The following EXOC4 variants were observed in gnomAD, a reference collection of about 807,000 sequenced individuals.
EXOC4 encodes the protein SEC8-like 1.
A neutral mutation model predicts 107.2 loss-of-function variants in EXOC4; 71 were observed. That is an observed-to-expected ratio of 0.66 (90% CI 0.55 to 0.81). The LOEUF is 0.81. Ranked by LOEUF, EXOC4 falls within the 30% of genes least tolerant of loss-of-function variation. EXOC4 has a pLI of 0.00. For missense variants in EXOC4, 1,108 were observed against 1,189.6 expected (o/e 0.93, Z 1.01); for synonymous variants, 456 against 441.2 (o/e 1.03, Z -0.42).
At chr7:133,741,632 T>C (rs1795566791) in intron 10 of EXOC4, among the ~76,000 whole-genome samples, 1 of 152,218 alleles carries the variant, frequency 6.6e-6, no homozygotes, top group Non-Finnish European at 1.5e-5. Flanking sequence ...AGTGCTCTAA[T>C]TGAACTATGT....
chr7:133,363,471 A>G (rs372530974), intron 6 of EXOC4, among the ~76,000 whole-genome samples: 4 of 152,178 alleles, frequency 2.6e-5, no homozygotes, highest in Admixed American at 6.5e-5. Flanking sequence ...TTTTGTAAAC[A>G]TGAGTTTGGA....
Position 133,915,223 on chromosome 7 carries a change from G to T in EXOC4, c.1872-2360G>T, listed in dbSNP as rs577642571. 3.6e-5 allele frequency among the ~76,000 whole-genome samples: 5 copies of T among 137,884 alleles called. No individual in the cohort carries two copies. In the East Asian group the frequency reaches 1.0e-3, roughly 28 times the overall value. The allele number at this position is 137,884 out of a possible 152,430, so 90.5% of individuals were successfully genotyped here. ...GGGAGCAGCTTTGTTAGAGAGGAATGCAGGGAAGAGATTCATTCATTCATT... is the reference window on the plus strand; with the variant it reads ...GGGAGCAGCTTTGTTAGAGAGGAATTCAGGGAAGAGATTCATTCATTCATT... On this transcript the variant is annotated intron_variant, in intron 12 of 17. Coordinates refer to ENST00000253861, the MANE Select transcript of EXOC4 (RefSeq NM_021807.4).
intron 7 of EXOC4, among the ~76,000 whole-genome samples, chr7:133,445,883 G>A (rs185290446): frequency 3.9e-5 from 6 of 152,076 alleles, no homozygotes; most frequent in Admixed American, 3.9e-4. Flanking sequence ...AGGCATGGTG[G>A]CGCATGCCTG....
At chr7:134,081,284 C>T in the EXOC4 span, among the ~76,000 whole-genome samples, 12 of 152,152 alleles carry the variant, frequency 7.9e-5, no homozygotes, top group South Asian at 1.2e-3. Context: ...TGGAAGTTGC[C>T]GTGAGCTGAG....
chr7:133,549,894 A>G (rs1476870906), intron 9 of EXOC4, among the ~76,000 whole-genome samples: 2 of 152,208 alleles, frequency 1.3e-5, no homozygotes, highest in East Asian at 3.8e-4. Context: ...ATCATCTGGC[A>G]CACTGTTTAT....
intron 7 of EXOC4, among the ~76,000 whole-genome samples, chr7:133,407,512 G>A (rs1584892580): frequency 6.6e-6 from 1 of 152,136 alleles, no homozygotes; most frequent in Non-Finnish European, 1.5e-5. Context: ...GGGTATAGAG[G>A]TTAAGGTCTC....
At chr7:133,325,656 A>G (rs953139762) in intron 5 of EXOC4, among the ~76,000 whole-genome samples, 2 of 151,968 alleles carry the variant, frequency 1.3e-5, no homozygotes, top group Non-Finnish European at 2.9e-5. Context: ...TTTTCCCTTC[A>G]TTCCAACTTT....
intron 11 of EXOC4, among the ~76,000 whole-genome samples, chr7:133,866,152 A>G (rs976638743): frequency 6.6e-6 from 1 of 152,218 alleles, no homozygotes; most frequent in Admixed American, 6.5e-5. Context: ...TCATATATAT[A>G]TAATCTCATT....
intron 1 of EXOC4, among the ~76,000 whole-genome samples, chr7:133,269,727 C>T (rs1378636561): frequency 6.6e-6 from 1 of 152,082 alleles, no homozygotes; most frequent in African/African-American, 2.4e-5. Context: ...TAGTTTTAGG[C>T]TATATTATTA....
At chr7:133,885,154 A>T (rs1799054062) in intron 11 of EXOC4, among the ~76,000 whole-genome samples, 1 of 152,074 alleles carries the variant, frequency 6.6e-6, no homozygotes, top group Non-Finnish European at 1.5e-5. Flanking sequence ...TCTCTACTAA[A>T]AATACAAAAA....
intron 10 of EXOC4, among the ~76,000 whole-genome samples, chr7:133,680,283 A>G (rs928415122): frequency 5.3e-5 from 8 of 152,206 alleles, no homozygotes; most frequent in Non-Finnish European, 7.3e-5. Context: ...TTCATTCACT[A>G]CAATTCTAAA....
intron 7 of EXOC4, among the ~76,000 whole-genome samples, chr7:133,391,022 C>T (rs1386165241): frequency 6.6e-6 from 1 of 152,116 alleles, no homozygotes; most frequent in Non-Finnish European, 1.5e-5. Flanking sequence ...TATAGAAAAT[C>T]TTATAGCTCT....
intron 10 of EXOC4, among the ~76,000 whole-genome samples, chr7:133,755,065 A>G (rs960347333): frequency 1.3e-5 from 2 of 151,210 alleles, no homozygotes; most frequent in African/African-American, 4.9e-5. Context: ...TTAAAATATA[A>G]TGAAAAGCTG....
At chr7:133,571,279 G>A (rs1215617040) in intron 9 of EXOC4, among the ~76,000 whole-genome samples, 2 of 152,182 alleles carry the variant, frequency 1.3e-5, no homozygotes, top group Non-Finnish European at 2.9e-5. Flanking sequence ...TCAGACAGAA[G>A]GGAGCCAGTG....
intron 4 of EXOC4, among the ~76,000 whole-genome samples, chr7:133,310,402 G>T (rs930608881): frequency 3.3e-5 from 5 of 152,118 alleles, no homozygotes; most frequent in African/African-American, 4.8e-5. Flanking sequence ...CATACAGAAG[G>T]TCCTAGAATA....
chr7:133,713,422 T>A (rs1385408928), intron 10 of EXOC4, among the ~76,000 whole-genome samples: 1 of 152,226 alleles, frequency 6.6e-6, no homozygotes, highest in Non-Finnish European at 1.5e-5. Context: ...TTCTGAAATA[T>A]TCATAAGAGC....
chr7:133,786,983 T>C lies in EXOC4; in HGVS notation c.1515-30342T>C, dbSNP rs73152986. The stretch of plus-strand genomic sequence containing the variant: ...ATACTTCAGTTATCAATATAAGATA[T>C]AAACAGAGAAGTAGTTGCAACTATT... On this transcript the variant is annotated intron_variant, in intron 10 of 17. Coordinates refer to ENST00000253861, the MANE Select transcript of EXOC4 (RefSeq NM_021807.4). Among the ~76,000 whole-genome samples, 733 of 152,312 alleles carry C rather than the reference T, an allele frequency of 4.8e-3. 5 individuals are homozygous for C. The highest frequency in any genetic ancestry group is 0.01 in the Middle Eastern group (3 of 294).
chr7:133,708,037 A>G (rs1247932940), intron 10 of EXOC4, among the ~76,000 whole-genome samples: 8 of 152,220 alleles, frequency 5.3e-5, no homozygotes, highest in Non-Finnish European at 1.2e-4. Context: ...CATATTATTT[A>G]TAATGTGCTT....
At chr7:133,440,711 C>T (rs1175593113) in intron 7 of EXOC4, among the ~76,000 whole-genome samples, 1 of 152,188 alleles carries the variant, frequency 6.6e-6, no homozygotes, top group Non-Finnish European at 1.5e-5. Context: ...ACACTCCCAC[C>T]AGCAATGTGA....
Sources: allele counts gnomAD v4.1 joint callset (sites outside exome capture counted in the v4.1 genomes callset), GRCh38; gene constraint gnomAD v4.1.1; transcripts MANE v1.5; gene names NCBI Gene and HGNC (gene_info 2026-07-23, HGNC 2026-07-21).